The following CRTC1 variants were observed in gnomAD, a reference collection of about 807,000 sequenced individuals.
CRTC1 encodes CREB-regulated transcription coactivator 1.
A neutral mutation model predicts 66.1 loss-of-function variants in CRTC1; 18 were observed. The ratio of observed to expected loss-of-function variants is 0.27; its 90% confidence interval spans 0.19 to 0.40. The LOEUF (loss-of-function observed/expected upper bound fraction) is 0.40, where lower values mean the gene tolerates loss of function less well. Among genes scored for constraint, CRTC1 ranks in the 10% least tolerant of loss-of-function variants. CRTC1 has a pLI of 1.00. For missense variants in CRTC1, 669 were observed against 887.9 expected (o/e 0.75, Z 3.13); for synonymous variants, 416 against 398.8 (o/e 1.04, Z -0.51).
At chr19:18,710,702 C>T (rs2145580348) in intron 1 of CRTC1, among the ~76,000 whole-genome samples, 1 of 152,326 alleles carries the variant, frequency 6.6e-6, no homozygotes, top group East Asian at 1.9e-4. Flanking sequence ...ACCTCCGCCT[C>T]CTGGGTTCAA....
intron 7 of CRTC1, 74 bp from the exon 8 acceptor site, chr19:18,759,934 C>G: frequency 8.1e-7 from 1 of 1,238,232 alleles, no homozygotes; most frequent in Non-Finnish European, 1.1e-6. Flanking sequence ...TGATTTTCTC[C>G]CGCCAGCCCC....
intron 8 of CRTC1, among the ~76,000 whole-genome samples, chr19:18,763,692 T>C (rs975368068): frequency 2.6e-5 from 4 of 152,246 alleles, no homozygotes; most frequent in African/African-American, 7.2e-5. Context: ...CCATGGCCGA[T>C]GTCTTGCACC....
At chr19:18,736,339 CCCAGGAT>C (rs1371545818) in intron 1 of CRTC1, among the ~76,000 whole-genome samples, 2 of 150,372 alleles carry the variant, frequency 1.3e-5, no homozygotes, top group East Asian at 1.9e-4. Context: ...CTGGTCAGCT[CCCAGGAT>C]CCAGGATCCA....
At position 18,777,454 on chromosome 19, in the gene CRTC1, G is replaced by A. The variant is rs760417916; in HGVS notation, c.*72G>A. Reference sequence around the variant, plus strand: ...CCCAGCCCGGGGACGGCCGTGCTCCGTCCCTCGCCAACGGCCGAGCTTGTG... The same window carrying A: ...CCCAGCCCGGGGACGGCCGTGCTCCATCCCTCGCCAACGGCCGAGCTTGTG... On this transcript the variant is annotated 3_prime_UTR_variant, in exon 14 of 14. Coordinates refer to ENST00000321949, the MANE Select transcript of CRTC1 (RefSeq NM_015321.3). This position sits in a 1 kb window ranked among gnomAD's most constrained non-coding sequence, Gnocchi z 5.5. 8.7e-6 allele frequency: 12 copies of A among 1,381,988 alleles called. No individual in the cohort carries two copies. Among genetic ancestry groups the A allele is most frequent in the East Asian group, 4.6e-5 (2 of 43,572 alleles). The allele number at this position is 1,381,988 out of a possible 1,614,324, so 85.6% of individuals were successfully genotyped here.
At chr19:18,748,029 A>G (rs1391354601) in intron 4 of CRTC1, among the ~76,000 whole-genome samples, 1 of 152,134 alleles carries the variant, frequency 6.6e-6, no homozygotes, top group Non-Finnish European at 1.5e-5. Flanking sequence ...GTGAGCTGTA[A>G]TCATGCCACT....
chr19:18,717,769 C>G (rs1209380213), intron 1 of CRTC1, among the ~76,000 whole-genome samples: 1 of 152,130 alleles, frequency 6.6e-6, no homozygotes, highest in Non-Finnish European at 1.5e-5. Flanking sequence ...GGGAGGGCCT[C>G]TCGCAGGACG....
intron 1 of CRTC1, 35 bp downstream of exon 1, chr19:18,683,863 G>T (rs1202242208): frequency 1.8e-6 from 2 of 1,127,330 alleles, no homozygotes; most frequent in East Asian, 7.0e-5. Context: ...CTTCAGGGCC[G>T]GCGGAGGGAG....
intron 1 of CRTC1, among the ~76,000 whole-genome samples, chr19:18,739,252 G>A (rs1349194917): frequency 3.3e-5 from 5 of 152,234 alleles, no homozygotes; most frequent in Non-Finnish European, 5.9e-5. Context: ...GGTCAGCCCC[G>A]AGCCTCTGTG....
rs970596133 is a variant in CRTC1 at position 18,753,549 on chromosome 19, C to A, written c.588C>A (p.Asp196Glu). 3 of 1,613,178 alleles carry A rather than the reference C, an allele frequency of 1.9e-6. No homozygotes were observed. Reference protein sequence around the residue: ...PGMEETTSEADKNLSKQAWDT... With the variant: ...PGMEETTSEAEKNLSKQAWDT... Reference sequence around the variant, plus strand: ...TGGAAGAGACCACATCAGAGGCAGACAAAAACCTTTCCAAGCAAGCATGGG... The same window carrying A: ...TGGAAGAGACCACATCAGAGGCAGAAAAAAACCTTTCCAAGCAAGCATGGG... Residue 196 changes from aspartate (D) to glutamate (E), a missense_variant, in exon 6 of 14, where the codon GAC becomes GAA. This residue lies in a region of CRTC1 where 214 missense variants were observed against 323.4 expected (regional missense o/e 0.66). Transcript: ENST00000321949.
At chr19:18,694,009 G>A (rs1337932145) in intron 1 of CRTC1, among the ~76,000 whole-genome samples, 2 of 151,974 alleles carry the variant, frequency 1.3e-5, no homozygotes, top group Admixed American at 6.6e-5. Context: ...GCGGGCACCT[G>A]TAACCCCAGC....
At position 18,743,482 on chromosome 19, in the gene CRTC1, G is replaced by A. The variant is rs982268119; in HGVS notation, c.243+456G>A. ...CACAGCCGCCGTGCACAGCCTTATCGTAAACAGGAGATAAGGCCCACAGCG... is the reference window on the plus strand; with the variant it reads ...CACAGCCGCCGTGCACAGCCTTATCATAAACAGGAGATAAGGCCCACAGCG... On this transcript the variant is annotated intron_variant, in intron 2 of 13. Transcript: ENST00000321949. 5.3e-5 allele frequency among the ~76,000 whole-genome samples: 8 copies of A among 152,228 alleles called. No homozygotes were observed. In the South Asian group the frequency reaches 6.2e-4, roughly 12 times the overall value.
intron 1 of CRTC1, among the ~76,000 whole-genome samples, chr19:18,703,299 C>T (rs1157418192): frequency 6.6e-6 from 1 of 152,148 alleles, no homozygotes; most frequent in Non-Finnish European, 1.5e-5. Flanking sequence ...TCCCAAAGTG[C>T]TGGGATTACA....
Position 18,715,878 on chromosome 19 carries a change from C to A in CRTC1, c.127-27032C>A, listed in dbSNP as rs967300567. Among the ~76,000 whole-genome samples the A allele has an allele frequency of 3.3e-5, 5 of 152,218 alleles. No homozygotes were observed. In the East Asian group the frequency reaches 9.6e-4, roughly 29 times the overall value. On this transcript the variant is annotated intron_variant, in intron 1 of 13. Coordinates refer to ENST00000321949, the MANE Select transcript of CRTC1 (RefSeq NM_015321.3). The stretch of plus-strand genomic sequence containing the variant: ...GCATCCTGTTTCCCTGTTGACTTTG[C>A]TGCAGCCCACGCTCCTTCCTGCCAC...
Position 18,779,869 on chromosome 19 carries a change from T to G in CRTC1, c.*2487T>G. 1 of 227,598 alleles carries G rather than the reference T, an allele frequency of 4.4e-6. No homozygotes were observed. Among genetic ancestry groups the G allele is most frequent in the East Asian group, 6.3e-5 (1 of 15,848 alleles). 14.1% of individuals were successfully genotyped at this position (227,598 alleles called of 1,614,324 possible). A position where few individuals can be genotyped will look rare whatever the true frequency, so the allele number is the denominator to read the frequency against. On this transcript the variant is annotated 3_prime_UTR_variant, in exon 14 of 14. Transcript: ENST00000321949. ...CCAGGGACAGTGGGGCCCACGCGAG[T>G]ACCCGGGGCCCAGCCAGGAGCCAGC... is the stretch of plus-strand genomic sequence containing the variant.
intron 1 of CRTC1, among the ~76,000 whole-genome samples, chr19:18,704,215 C>G (rs1204145417): frequency 1.3e-5 from 2 of 152,162 alleles, no homozygotes; most frequent in Non-Finnish European, 1.5e-5. Flanking sequence ...TGGGCTCAAG[C>G]AATCTTTCCA....
intron 11 of CRTC1, 34 bp from the exon 12 acceptor site, chr19:18,774,866 C>T (rs1311854819): frequency 1.9e-6 from 3 of 1,605,120 alleles, no homozygotes; most frequent in Non-Finnish European, 2.5e-6. Context: ...TGGCCTCAGG[C>T]CGTGACCACA....
At chr19:18,689,583 A>ATATATATATATATATCTATATATATATG (rs60084986) in intron 1 of CRTC1, among the ~76,000 whole-genome samples, 1 of 65,736 alleles carries the variant, frequency 1.5e-5, no homozygotes, top group Non-Finnish European at 2.5e-5. Context: ...ATATATATAT[A>ATATATATATATATATCTATATATATATG]TATGTAATAT....
rs117215556 is a variant in CRTC1 at position 18,764,052 on chromosome 19, C to T, written c.887-1352C>T. ...CAGCACCAGGCTTCCTCCCACAGTG[C>T]GCAGCCAAGCAGAGCTGCCAGGGCA... On this transcript the variant is annotated intron_variant, in intron 8 of 13. Transcript: ENST00000321949. Among the ~76,000 whole-genome samples the T allele has an allele frequency of 1.2e-3, 188 of 152,248 alleles. 5 individuals carry two copies. The East Asian group carries it at 0.028, about 23-fold the overall frequency.
chr19:18,719,181 G>A (rs997072392), intron 1 of CRTC1, among the ~76,000 whole-genome samples: 1 of 152,214 alleles, frequency 6.6e-6, no homozygotes, highest in Non-Finnish European at 1.5e-5. Flanking sequence ...CTACCCTGGC[G>A]GGCGCAGCCT....
Sources: gnomAD v4.1 joint callset for allele counts (sites outside exome capture counted in the v4.1 genomes callset) on GRCh38, gnomAD v4.1.1 for gene constraint, gnomAD v4.1.1 regional missense constraint, Gnocchi (gnomAD v3.1) non-coding constraint, MANE v1.5 for transcripts, NCBI Gene and HGNC (gene_info 2026-07-23, HGNC 2026-07-21) for gene names.